Variants in RAF1 observed in about 807,000 individuals in gnomAD.
RAF1 encodes Raf-1 proto-oncogene, serine/threonine kinase.
RAF1 carries 27 observed loss-of-function variants against 81.1 expected under a neutral mutation model. The ratio of observed to expected loss-of-function variants is 0.33; its 90% CI spans 0.25 to 0.46. RAF1 has a LOEUF of 0.46. Ranked by LOEUF, RAF1 falls within the 20% of genes least tolerant of loss-of-function variation. The pLI, the probability that RAF1 is intolerant of heterozygous loss-of-function variation, is 1.00. For synonymous variants in RAF1, 298 were observed against 294.0 expected, an observed-to-expected ratio of 1.01 and a Z score of -0.14; for missense variants, 598 against 826.0, an observed-to-expected ratio of 0.72 and a Z score of 3.38.
intron 2 of RAF1, among the ~76,000 whole-genome samples, chr3:12,613,352 A>G (rs2059273864): frequency 6.6e-6 from 1 of 152,178 alleles, no homozygotes; most frequent in East Asian, 1.9e-4. Flanking sequence ...ACTGCCTACC[A>G]GGTTCCTCCT....
intron 1 of RAF1, among the ~76,000 whole-genome samples, chr3:12,643,901 T>G (rs2060266931): frequency 6.6e-6 from 1 of 152,196 alleles, no homozygotes; most frequent in Non-Finnish European, 1.5e-5. Flanking sequence ...CATTTTCAAC[T>G]CAACAGTCAT....
At chr3:12,609,040 C>G (rs2125417881) in intron 4 of RAF1, 117 bp from the exon 5 acceptor site, 6 of 1,226,364 alleles carry the variant, frequency 4.9e-6, no homozygotes, top group Non-Finnish European at 7.1e-6. Flanking sequence ...CCAGCATGTA[C>G]AGAATTCATA....
At chr3:12,641,528 G>C (rs1027086393) in intron 1 of RAF1, among the ~76,000 whole-genome samples, 2 of 129,234 alleles carry the variant, frequency 1.5e-5, no homozygotes, top group African/African-American at 5.9e-5. Context: ...GTCTCGCTCT[G>C]TCACCCAGGC....
Position 12,587,581 on chromosome 3 carries a change from C to G in RAF1, c.1477+10G>C, listed in dbSNP as rs764906530. ...CGAGCAGTCAAATGAACTCAACAAC[C>G]AAAGGATACTGTTGGATTTCATGTC... On this transcript the variant is annotated intron_variant, in intron 14 of 17. Coordinates refer to ENST00000442415, the MANE Select transcript of RAF1 (RefSeq NM_001354689.3). The G allele has an allele frequency of 9.3e-6, 15 of 1,605,006 alleles. No homozygotes were observed. Among genetic ancestry groups the G allele is most frequent in the African/African-American group, 1.3e-5 (1 of 74,672 alleles).
In RAF1 at chr3:12,663,990, C is replaced by G. The variant is rs547543588; in HGVS notation, c.-204G>C. 862 of 398,582 alleles carry G rather than the reference C, an allele frequency of 2.2e-3. 4 individuals carry two copies. Among genetic ancestry groups the G allele is most frequent in the Non-Finnish European group, 3.2e-3 (729 of 226,012 alleles). The allele number at this position is 398,582 out of a possible 1,614,324, so 24.7% of individuals were successfully genotyped here. On this transcript the variant is annotated 5_prime_UTR_variant, in exon 1 of 18. Transcript: ENST00000442415. ...CAAACGCGCTCCGCGCCTCAGGGCA[C>G]GCGCCCCAAAGCCCGGCCAGCTGAC...
At chr3:12,592,720 T>C (rs914871567) in intron 11 of RAF1, among the ~76,000 whole-genome samples, 5 of 149,222 alleles carry the variant, frequency 3.4e-5, no homozygotes, top group Admixed American at 2.0e-4. Flanking sequence ...GTGCTATAAA[T>C]TTAAAAGCCA....
chr3:12,626,244 CAAA>C (rs201895405), intron 1 of RAF1, among the ~76,000 whole-genome samples: 11 of 104,222 alleles, frequency 1.1e-4, no homozygotes, highest in Non-Finnish European at 1.2e-4. Flanking sequence ...AACTCTGTCT[CAAA>C]AAAAAAAAAA....
chr3:12,602,910 G>C (rs1350266466), intron 8 of RAF1, among the ~76,000 whole-genome samples: 1 of 152,066 alleles, frequency 6.6e-6, no homozygotes, highest in Non-Finnish European at 1.5e-5. Flanking sequence ...ATTTATTCTA[G>C]GGTTTATCAA....
At chr3:12,634,909 G>A (rs1381287162) in intron 1 of RAF1, among the ~76,000 whole-genome samples, 1 of 152,016 alleles carries the variant, frequency 6.6e-6, no homozygotes, top group South Asian at 2.1e-4. Context: ...CCCAAAGCAG[G>A]GGATATATAC....
At chr3:12,593,205 G>A (rs536377373) in intron 11 of RAF1, among the ~76,000 whole-genome samples, 2 of 151,496 alleles carry the variant, frequency 1.3e-5, no homozygotes, top group South Asian at 2.1e-4. Context: ...TCAGCCTCCC[G>A]AGTAGCTGGG....
intron 1 of RAF1, among the ~76,000 whole-genome samples, chr3:12,624,885 C>CAAAAAAAAAAAAAAAACAAAAAAAAA (rs2059654597): frequency 9.0e-6 from 1 of 111,730 alleles, no homozygotes. Context: ...GACTCCAACT[C>CAAAAAAAAAAAAAAAACAAAAAAAAA]AAAAAAAAAA....
chr3:12,593,237 G>A (rs2058576549), intron 11 of RAF1, among the ~76,000 whole-genome samples: 1 of 151,862 alleles, frequency 6.6e-6, no homozygotes, highest in Non-Finnish European at 1.5e-5. Context: ...GCTCCACCAT[G>A]CCCAACTAAT....
At chr3:12,618,833 G>C in intron 1 of RAF1, 86 bp from the exon 2 acceptor site, 4 of 1,095,386 alleles carry the variant, frequency 3.7e-6, no homozygotes, top group Non-Finnish European at 5.4e-6. Context: ...TATGAAAATA[G>C]CACTATGTGG....
At chr3:12,587,435 C>G in intron 14 of RAF1, 156 bp downstream of exon 13, 1 of 770,394 alleles carries the variant, frequency 1.3e-6, no homozygotes, top group Non-Finnish European at 2.3e-6. Flanking sequence ...CAGGCCAAGC[C>G]TACTAATTTT....
At chr3:12,650,821 G>A (rs1235905286) in intron 1 of RAF1, among the ~76,000 whole-genome samples, 1 of 152,190 alleles carries the variant, frequency 6.6e-6, no homozygotes, top group South Asian at 2.1e-4. Flanking sequence ...TTAAAGGTAG[G>A]GAGGATTCTT....
At chr3:12,627,428 C>A (rs987820765) in intron 1 of RAF1, among the ~76,000 whole-genome samples, 2 of 152,168 alleles carry the variant, frequency 1.3e-5, no homozygotes, top group South Asian at 2.1e-4. Context: ...GGCTACTATT[C>A]CGTTAAAAAA....
intron 1 of RAF1, among the ~76,000 whole-genome samples, chr3:12,645,383 T>C (rs1363464184): frequency 1.3e-5 from 2 of 152,150 alleles, no homozygotes; most frequent in Non-Finnish European, 1.5e-5. Flanking sequence ...ATCCCTTTTT[T>C]TGATGAAGAA....
intron 2 of RAF1, among the ~76,000 whole-genome samples, chr3:12,616,860 AT>A: frequency 6.6e-6 from 1 of 152,290 alleles, no homozygotes; most frequent in East Asian, 1.9e-4. Flanking sequence ...AGCAAAACCA[AT>A]GCAATTTCAC....
At chr3:12,647,252 C>T (rs1265463196) in intron 1 of RAF1, among the ~76,000 whole-genome samples, 4 of 146,554 alleles carry the variant, frequency 2.7e-5, no homozygotes, top group South Asian at 2.1e-4. Context: ...GCTGAGATCG[C>T]GCCACTGCAC....
Sources: gnomAD v4.1 joint callset for allele counts (sites outside exome capture counted in the v4.1 genomes callset) on GRCh38, gnomAD v4.1.1 for gene constraint, MANE v1.5 for transcripts, NCBI Gene and HGNC (gene_info 2026-07-23, HGNC 2026-07-21) for gene names.